EDIL3: variants seen among roughly 807,000 people sequenced by gnomAD.
EDIL3 encodes EGF-like repeat and discoidin I-like domain-containing protein 3.
EDIL3 carries 37 observed loss-of-function variants against 67.4 expected under a neutral mutation model. The ratio of observed to expected loss-of-function variants is 0.55; its 90% CI spans 0.42 to 0.72. The LOEUF is 0.72. Among genes scored for constraint, EDIL3 ranks in the 30% least tolerant of loss-of-function variants. The pLI is 0.00. For synonymous variants in EDIL3, 195 were observed against 196.3 expected (o/e 0.99, Z 0.05); for missense variants, 527 against 586.3 (o/e 0.90, Z 1.04).
At chr5:84,069,896 T>C (rs1038062821) in intron 6 of EDIL3, among the ~76,000 whole-genome samples, 1 of 151,750 alleles carries the variant, frequency 6.6e-6, no homozygotes, top group Non-Finnish European at 1.5e-5. Flanking sequence ...AGCTGGGCAC[T>C]GAGAGGAACA....
intron 1 of EDIL3, among the ~76,000 whole-genome samples, chr5:84,334,221 G>A (rs1055829227): frequency 2.6e-4 from 39 of 151,796 alleles, no homozygotes; most frequent in African/African-American, 7.7e-4. Flanking sequence ...ACCACCACAC[G>A]CGCCTAATTT....
intron 4 of EDIL3, among the ~76,000 whole-genome samples, chr5:84,168,051 G>A (rs1232163411): frequency 6.6e-6 from 1 of 152,112 alleles, no homozygotes; most frequent in African/African-American, 2.4e-5. Context: ...TCCAAACGAT[G>A]CATTGCCTTA....
intron 10 of EDIL3, among the ~76,000 whole-genome samples, chr5:83,954,802 A>G (rs1229913165): frequency 6.6e-6 from 1 of 151,916 alleles, no homozygotes; most frequent in East Asian, 1.9e-4. Flanking sequence ...CTAGTAGGAA[A>G]GAAAACTATC....
intron 1 of EDIL3, among the ~76,000 whole-genome samples, chr5:84,326,053 T>G (rs573853765): frequency 1.1e-4 from 16 of 152,198 alleles, no homozygotes; most frequent in African/African-American, 3.9e-4. Context: ...TCTGCCTGCA[T>G]GAAATTCTTA....
intron 6 of EDIL3, among the ~76,000 whole-genome samples, chr5:84,070,603 A>AAG (rs1554066385): frequency 8.2e-6 from 1 of 121,632 alleles, no homozygotes; most frequent in Non-Finnish European, 1.7e-5. Context: ...TACTATGGTT[A>AAG]AGAGTGTGTG....
intron 9 of EDIL3, among the ~76,000 whole-genome samples, chr5:84,055,788 A>G (rs921120755): frequency 2.6e-5 from 4 of 152,218 alleles, no homozygotes; most frequent in Non-Finnish European, 5.9e-5. Flanking sequence ...TAGAATGGCA[A>G]TCATTCAAAA....
chr5:84,333,138 C>T (rs776678445), intron 1 of EDIL3, among the ~76,000 whole-genome samples: 3 of 152,144 alleles, frequency 2.0e-5, no homozygotes, highest in South Asian at 4.1e-4. Flanking sequence ...TTTTTAGAGT[C>T]GGACTACTAA....
At chr5:84,156,765 G>A (rs991889146) in intron 4 of EDIL3, among the ~76,000 whole-genome samples, 1 of 152,150 alleles carries the variant, frequency 6.6e-6, no homozygotes, top group African/African-American at 2.4e-5. Flanking sequence ...TGACTGCGCA[G>A]TCAAATTACA....
intron 1 of EDIL3, among the ~76,000 whole-genome samples, chr5:84,346,142 T>C (rs931567830): frequency 2.7e-5 from 4 of 148,104 alleles, no homozygotes; most frequent in African/African-American, 7.4e-5. Context: ...TTTCTTTTTT[T>C]TTTTTTTTTT....
At chr5:84,375,207 T>G (rs1182874845) in intron 1 of EDIL3, among the ~76,000 whole-genome samples, 1 of 152,122 alleles carries the variant, frequency 6.6e-6, no homozygotes, top group Non-Finnish European at 1.5e-5. Context: ...CTTGACCTCG[T>G]GACCCGCCCA....
chr5:84,226,451 A>T (rs1225975286), intron 3 of EDIL3, among the ~76,000 whole-genome samples: 2 of 151,818 alleles, frequency 1.3e-5, no homozygotes, highest in African/African-American at 4.8e-5. Context: ...TGAAAAATTC[A>T]GGGCAAGAGA....
intron 1 of EDIL3, among the ~76,000 whole-genome samples, chr5:84,342,301 T>C (rs1248665623): frequency 6.6e-6 from 1 of 152,046 alleles, no homozygotes; most frequent in Non-Finnish European, 1.5e-5. Flanking sequence ...AGTTAAATAA[T>C]GTGTACACAT....
At chr5:84,023,238 AC>A (rs1203392758) in intron 9 of EDIL3, among the ~76,000 whole-genome samples, 1 of 151,996 alleles carries the variant, frequency 6.6e-6, no homozygotes, top group East Asian at 1.9e-4. Context: ...TACAATTTTT[AC>A]TTCTCAATTA....
chr5:84,093,251 A>G lies in EDIL3; in HGVS notation c.651+13398T>C, dbSNP rs150397255. ...TCAATTACTGACATCTATTTAACATAGTTTTATTTAAAGGTGCCATGGGAA... is the reference window on the plus strand; with the variant it reads ...TCAATTACTGACATCTATTTAACATGGTTTTATTTAAAGGTGCCATGGGAA... On this transcript the variant is annotated intron_variant, in intron 6 of 10. Transcript: ENST00000296591. Among the ~76,000 whole-genome samples, 487 of 151,618 alleles carry G rather than the reference A, an allele frequency of 3.2e-3. 4 individuals carry two copies. The highest frequency in any genetic ancestry group is 0.011 in the African/African-American group (461 of 41,302).
At chr5:84,344,116 T>G (rs990049580) in intron 1 of EDIL3, among the ~76,000 whole-genome samples, 1 of 152,106 alleles carries the variant, frequency 6.6e-6, no homozygotes, top group South Asian at 2.1e-4. Context: ...GAAGAGGACC[T>G]AGTGCTTAGA....
At chr5:84,047,867 T>G (rs1246504582) in intron 9 of EDIL3, 1 of 152,590 alleles carries the variant, frequency 6.6e-6, no homozygotes, top group Non-Finnish European at 1.5e-5. Flanking sequence ...AAATGTCCTT[T>G]CAATTTTGTT....
intron 2 of EDIL3, among the ~76,000 whole-genome samples, chr5:84,230,798 T>TGTGTGTGA (rs1491220256): frequency 6.6e-6 from 1 of 150,496 alleles, no homozygotes; most frequent in South Asian, 2.1e-4. Flanking sequence ...TGTGTGTGTG[T>TGTGTGTGA]GACATACACA....
intron 6 of EDIL3, among the ~76,000 whole-genome samples, chr5:84,086,293 G>A (rs1471462192): frequency 6.6e-6 from 1 of 152,236 alleles, no homozygotes; most frequent in African/African-American, 2.4e-5. Context: ...CTCTGGTGGT[G>A]TAGGCTCATG....
In EDIL3 at chr5:84,371,425, A is replaced by G. The variant is rs965180962; in HGVS notation, c.67+12883T>C. On this transcript the variant is annotated intron_variant, in intron 1 of 10. Transcript: ENST00000296591. ...TATATGTGTGTATATGTGTATATAT[A>G]TGTGTGTGTATATATATATATATAT... 2.6e-5 allele frequency among the ~76,000 whole-genome samples: 3 copies of G among 116,424 alleles called. No individual in the cohort carries two copies. In the South Asian group the frequency reaches 9.3e-4, roughly 36 times the overall value. 76.4% of individuals were successfully genotyped at this position (116,424 alleles called of 152,430 possible).
Sources: gnomAD v4.1 joint callset for allele counts (sites outside exome capture counted in the v4.1 genomes callset) on GRCh38, gnomAD v4.1.1 for gene constraint, MANE v1.5 for transcripts, NCBI Gene and HGNC (gene_info 2026-07-23, HGNC 2026-07-21) for gene names.